The following PTPRM variants were observed in gnomAD, a reference collection of about 807,000 sequenced individuals.
PTPRM encodes the protein protein tyrosine phosphatase receptor type M.
A neutral mutation model predicts 186.7 loss-of-function variants in PTPRM; 47 were observed. That is an observed-to-expected ratio of 0.25 (90% CI 0.20 to 0.32). PTPRM has a LOEUF of 0.32. PTPRM is among the 10% of genes least tolerant of loss of function. The probability of loss-of-function intolerance (pLI) is 1.00; values close to 1 mark genes in which losing one functional copy is unlikely to be tolerated. For missense variants in PTPRM, 1,494 were observed against 1,865.0 expected (o/e 0.80, Z 3.66); for synonymous variants, 668 against 674.9 (o/e 0.99, Z 0.16).
At chr18:8,043,527 T>C (rs2086822424) in intron 7 of PTPRM, among the ~76,000 whole-genome samples, 1 of 152,188 alleles carries the variant, frequency 6.6e-6, no homozygotes, top group Non-Finnish European at 1.5e-5. Flanking sequence ...TTGAGTGTAC[T>C]GATGCTGTTT....
intron 1 of PTPRM, among the ~76,000 whole-genome samples, chr18:7,627,663 C>T (rs897243082): frequency 6.6e-6 from 1 of 152,134 alleles, no homozygotes; most frequent in Non-Finnish European, 1.5e-5. Context: ...TGAGAAAATT[C>T]GGCGGGCACC....
chr18:8,397,327 C>T, intron 32 of PTPRM, among the ~76,000 whole-genome samples: 1 of 152,236 alleles, frequency 6.6e-6, no homozygotes, highest in East Asian at 1.9e-4. Context: ...CTCTCACCAT[C>T]TCCCTTTGCA....
intron 14 of PTPRM, among the ~76,000 whole-genome samples, chr18:8,158,625 A>G (rs1350975349): frequency 6.6e-6 from 1 of 152,212 alleles, no homozygotes; most frequent in East Asian, 1.9e-4. Context: ...TGTTACTATA[A>G]ACGAATACCT....
At chr18:8,074,943 T>C (rs1355054374) in intron 8 of PTPRM, among the ~76,000 whole-genome samples, 4 of 152,334 alleles carry the variant, frequency 2.6e-5, no homozygotes, top group Admixed American at 6.5e-5. Context: ...GCTTTTGGTG[T>C]CATGCCTAAG....
rs2230601 is a variant in PTPRM at position 8,069,870 on chromosome 18, C to T, written c.1317C>T (p.Asn439=). ...AAGAAGTAAGCTGGGATACAGAAAA[C>T]TCACACCCTCAACACACGATCACTA... ...VREEVSWDTE[N]SHPQHTITNL... The change falls in exon 8 of 33, where the codon AAC becomes AAT. Residue 439 remains asparagine (N), a synonymous_variant. Coordinates refer to ENST00000580170, the MANE Select transcript of PTPRM (RefSeq NM_001105244.2). 0.53 allele frequency: 849,706 copies of T among 1,612,754 alleles called. 226,558 individuals carry two copies. The highest frequency in any genetic ancestry group is 0.56 in the African/African-American group (41,936 of 74,908).
intron 7 of PTPRM, among the ~76,000 whole-genome samples, chr18:8,045,201 AGCTG>A (rs1377098352): frequency 1.3e-5 from 2 of 152,154 alleles, no homozygotes; most frequent in East Asian, 3.9e-4. Context: ...TACAAAAATT[AGCTG>A]GACGTGATGG....
intron 1 of PTPRM, among the ~76,000 whole-genome samples, chr18:7,672,773 G>A (rs2039247277): frequency 6.6e-6 from 1 of 152,218 alleles, no homozygotes; most frequent in South Asian, 2.1e-4. Context: ...CGGAGGTGAG[G>A]GAGGAAAAGA....
intron 2 of PTPRM, among the ~76,000 whole-genome samples, chr18:7,838,739 T>G (rs2145810924): frequency 6.6e-6 from 1 of 152,324 alleles, no homozygotes; most frequent in East Asian, 1.9e-4. Context: ...CAGGCCTGCC[T>G]CCTTCCCTGC....
chr18:8,267,406 A>C (rs1230498569), intron 19 of PTPRM, among the ~76,000 whole-genome samples: 1 of 152,100 alleles, frequency 6.6e-6, no homozygotes, highest in Non-Finnish European at 1.5e-5. Flanking sequence ...GAAAAATATA[A>C]TTTTAAAAAG....
intron 27 of PTPRM, among the ~76,000 whole-genome samples, chr18:8,378,786 C>T (rs1474085263): frequency 6.6e-6 from 1 of 152,194 alleles, no homozygotes; most frequent in African/African-American, 2.4e-5. Flanking sequence ...TTCAGACTTT[C>T]CAACCAAGAG....
chr18:7,845,372 A>C (rs2046541233), intron 2 of PTPRM, among the ~76,000 whole-genome samples: 2 of 152,240 alleles, frequency 1.3e-5, no homozygotes, highest in South Asian at 2.1e-4. Flanking sequence ...ACAAATGTCC[A>C]CGTCAACTTA....
At chr18:8,367,504 G>A (rs768987138) in intron 23 of PTPRM, among the ~76,000 whole-genome samples, 1 of 152,272 alleles carries the variant, frequency 6.6e-6, no homozygotes, top group Admixed American at 6.5e-5. Flanking sequence ...CTGGGAGAGC[G>A]GCGGCACCTG....
chr18:7,931,711 T>C (rs117102835), intron 5 of PTPRM, among the ~76,000 whole-genome samples: 1 of 152,326 alleles, frequency 6.6e-6, no homozygotes, highest in Non-Finnish European at 1.5e-5. Context: ...ATAATTTTTG[T>C]TTGCTGATGG....
intron 13 of PTPRM, among the ~76,000 whole-genome samples, chr18:8,128,093 T>G (rs946799751): frequency 6.6e-6 from 1 of 152,156 alleles, no homozygotes; most frequent in Non-Finnish European, 1.5e-5. Flanking sequence ...TTTAACCTTT[T>G]GAGAGAATTT....
intron 1 of PTPRM, among the ~76,000 whole-genome samples, chr18:7,740,929 A>G (rs934034977): frequency 6.6e-6 from 1 of 152,186 alleles, no homozygotes; most frequent in Admixed American, 6.6e-5. Context: ...TTGAGAGACG[A>G]ATACATAGCT....
chr18:7,740,564 A>T (rs533902561), intron 1 of PTPRM, among the ~76,000 whole-genome samples: 1 of 152,274 alleles, frequency 6.6e-6, no homozygotes, highest in African/African-American at 2.4e-5. Flanking sequence ...GACTCCAAGC[A>T]TGTGCCGCCG....
intron 11 of PTPRM, among the ~76,000 whole-genome samples, chr18:8,094,359 C>A (rs1467627062): frequency 6.6e-6 from 1 of 150,590 alleles, no homozygotes; most frequent in East Asian, 1.9e-4. Flanking sequence ...TGAGCCAGAC[C>A]CTGTCTCAAA....
intron 14 of PTPRM, among the ~76,000 whole-genome samples, chr18:8,172,330 A>G (rs4798613): frequency 0.35 from 51,905 of 149,622 alleles, 10,530 homozygotes; most frequent in East Asian, 0.71. Context: ...TTCAGGGTAT[A>G]GATGATCTTG....
intron 1 of PTPRM, among the ~76,000 whole-genome samples, chr18:7,700,928 G>A (rs1369870212): frequency 7.6e-6 from 1 of 131,542 alleles, no homozygotes; most frequent in Non-Finnish European, 1.5e-5. Flanking sequence ...AGTGAGCTGA[G>A]ATCGCACCAC....
Sources: gnomAD v4.1 joint callset for allele counts (sites outside exome capture counted in the v4.1 genomes callset) on GRCh38, gnomAD v4.1.1 for gene constraint, MANE v1.5 for transcripts, NCBI Gene and HGNC (gene_info 2026-07-23, HGNC 2026-07-21) for gene names.